ATG7: variants seen among roughly 807,000 people sequenced by gnomAD.
The protein encoded by ATG7 is ubiquitin-like modifier-activating enzyme ATG7.
Under a neutral mutation model 82.4 loss-of-function variants are expected in ATG7, and 70 were observed. The observed-to-expected ratio is 0.85, with a 90% CI of 0.70 to 1.04. The LOEUF (loss-of-function observed/expected upper bound fraction) is 1.04, where lower values mean the gene tolerates loss of function less well. ATG7 is among the 50% of genes least tolerant of loss of function. ATG7 has a pLI of 0.00. For missense variants in ATG7, 792 were observed against 864.3 expected, an observed-to-expected ratio of 0.92 and a Z score of 1.05; for synonymous variants, 287 against 313.0, an observed-to-expected ratio of 0.92 and a Z score of 0.88.
chr3:11,331,046 A>G (rs114851724), intron 9 of ATG7, among the ~76,000 whole-genome samples: 1,951 of 152,146 alleles, frequency 0.013, 26 homozygotes, highest in Non-Finnish European at 0.018. Context: ...TTCATTCCCC[A>G]TCTTCCTTCC....
the ATG7 span, among the ~76,000 whole-genome samples, chr3:11,571,934 C>T: frequency 6.6e-6 from 1 of 152,202 alleles, no homozygotes; most frequent in Non-Finnish European, 1.5e-5. Context: ...TGGCAAAACC[C>T]TGTCTCTACT....
intron 20 of ATG7, among the ~76,000 whole-genome samples, chr3:11,475,975 A>G (rs1044759786): frequency 3.3e-5 from 5 of 151,646 alleles, no homozygotes; most frequent in East Asian, 3.9e-4. Context: ...AAATGTTTAC[A>G]TTGGGGAAAA....
chr3:11,358,602 G>C lies in ATG7; in HGVS notation c.1469G>C (p.Ser490Thr), dbSNP rs1280895049. Residue 490 changes from serine (S) to threonine (T), a missense_variant, in exon 15 of 21, where the codon AGC becomes ACC. Ser to Thr is a moderately conservative substitution (Grantham distance 58). Coordinates refer to ENST00000693202, the MANE Select transcript of ATG7 (RefSeq NM_001349232.2). Reference sequence around the variant, plus strand: ...TGGCTTCCTGCCGTCATTGCTGCAAGCAAGAGAAAGGTAGGCCCTGTCTCT... The same window carrying C: ...TGGCTTCCTGCCGTCATTGCTGCAACCAAGAGAAAGGTAGGCCCTGTCTCT... ...SRWLPAVIAA[S>T]KRKLVINAAL... The C allele has an allele frequency of 3.7e-6, 6 of 1,613,070 alleles. No individual in the cohort carries two copies. The South Asian group carries it at 5.5e-5, about 15-fold the overall frequency.
At chr3:11,417,797 ATTATTTTATTTTATTTTAT>A (rs2081496590) in intron 19 of ATG7, among the ~76,000 whole-genome samples, 1 of 43,134 alleles carries the variant, frequency 2.3e-5, no homozygotes. Flanking sequence ...TATTATTATT[ATTATTTTATTTTATTTTAT>A]TTTTTTTTTT....
chr3:11,285,981 T>A (rs1484035655), intron 3 of ATG7, among the ~76,000 whole-genome samples: 1 of 152,234 alleles, frequency 6.6e-6, no homozygotes, highest in Non-Finnish European at 1.5e-5. Context: ...TCCCTTTGAC[T>A]TTTAAGACCA....
At chr3:11,273,004 A>T (rs1417658369) in intron 1 of ATG7, among the ~76,000 whole-genome samples, 1 of 152,264 alleles carries the variant, frequency 6.6e-6, no homozygotes, top group East Asian at 1.9e-4. Context: ...TCAGAAATAG[A>T]GTCAAACTTC....
chr3:11,552,635 C>T (rs968659042), intron 20 of ATG7, among the ~76,000 whole-genome samples: 5 of 152,214 alleles, frequency 3.3e-5, no homozygotes, highest in African/African-American at 9.7e-5. Context: ...CCCAGAGATT[C>T]GCTCTGGAAA....
chr3:11,547,223 T>C (rs1475542356), intron 20 of ATG7, among the ~76,000 whole-genome samples: 1 of 152,236 alleles, frequency 6.6e-6, no homozygotes, highest in Non-Finnish European at 1.5e-5. Context: ...CCTTGCTAGC[T>C]TGGTCTCCTT....
At chr3:11,506,013 T>G (rs77795420) in intron 20 of ATG7, among the ~76,000 whole-genome samples, 1 of 152,202 alleles carries the variant, frequency 6.6e-6, no homozygotes, top group African/African-American at 2.4e-5. Flanking sequence ...CGTAAAGTCA[T>G]GTATTCATAT....
At chr3:11,472,700 G>A (rs554099874) in intron 20 of ATG7, among the ~76,000 whole-genome samples, 14 of 152,156 alleles carry the variant, frequency 9.2e-5, no homozygotes, top group African/African-American at 2.9e-4. Flanking sequence ...GGCTTGTGTC[G>A]TCCTTTTTTG....
chr3:11,434,448 G>A (rs539767356), intron 20 of ATG7, among the ~76,000 whole-genome samples: 2 of 152,236 alleles, frequency 1.3e-5, no homozygotes, highest in African/African-American at 2.4e-5. Flanking sequence ...CTGGGACTGT[G>A]CCCTGCCTTG....
At chr3:11,275,343 CTT>C (rs542108366) in intron 1 of ATG7, among the ~76,000 whole-genome samples, 2 of 142,560 alleles carry the variant, frequency 1.4e-5, no homozygotes, top group Non-Finnish European at 3.1e-5. Flanking sequence ...TTCCTCTCCT[CTT>C]TTTTTTTTTT....
the ATG7 span, among the ~76,000 whole-genome samples, chr3:11,563,966 G>C: frequency 6.6e-6 from 1 of 152,140 alleles, no homozygotes; most frequent in African/African-American, 2.4e-5. Flanking sequence ...CCCCGGTGAG[G>C]CCACAGGGAC....
chr3:11,378,645 A>C (rs13072726), intron 18 of ATG7, among the ~76,000 whole-genome samples: 1 of 141,484 alleles, frequency 7.1e-6, no homozygotes, highest in Non-Finnish European at 1.5e-5. Context: ...AGATCACACC[A>C]CTGTACTCCA....
intron 1 of ATG7, among the ~76,000 whole-genome samples, chr3:11,273,324 CAGAA>C (rs1429100796): frequency 1.3e-5 from 2 of 152,198 alleles, no homozygotes; most frequent in African/African-American, 4.8e-5. Flanking sequence ...TCTTCAGTGA[CAGAA>C]AGCTTTCTAC....
intron 11 of ATG7, 54 bp downstream of exon 11, chr3:11,333,147 C>G: frequency 6.7e-7 from 1 of 1,483,620 alleles, no homozygotes; most frequent in Non-Finnish European, 9.0e-7. Flanking sequence ...AGAAACGGAA[C>G]CAGGTTTACT....
chr3:11,298,813 C>G lies in ATG7; in HGVS notation c.118C>G (p.Leu40Val). ...LTQKKLNEYRLDEAPKDIKGY... is the reference protein window; with the variant it reads ...LTQKKLNEYRVDEAPKDIKGY... ...CCAGAAGAAGCTGAACGAGTATCGGCTGGATGAAGCTCCCAAGGACATTAA... is the reference window on the plus strand; with the variant it reads ...CCAGAAGAAGCTGAACGAGTATCGGGTGGATGAAGCTCCCAAGGACATTAA... Residue 40 changes from leucine to valine, a missense_variant, in exon 4 of 21, where the codon CTG (leucine) becomes GTG (valine). Physicochemically the swap from Leu to Val is conservative, Grantham distance 32. Transcript: ENST00000693202. 6.2e-7 allele frequency: 1 copy of G among 1,614,150 alleles called. No individual in the cohort carries two copies. The highest frequency in any genetic ancestry group is 8.5e-7 in the Non-Finnish European group (1 of 1,180,036).
chr3:11,385,682 T>C (rs1161284904), intron 19 of ATG7, among the ~76,000 whole-genome samples: 1 of 152,190 alleles, frequency 6.6e-6, no homozygotes. Flanking sequence ...AGGGAAGGCC[T>C]TGCAGAGGAT....
At chr3:11,368,229 T>TAAAAAAA (rs760208581) in intron 18 of ATG7, among the ~76,000 whole-genome samples, 1 of 109,348 alleles carries the variant, frequency 9.1e-6, no homozygotes, top group Non-Finnish European at 1.9e-5. Flanking sequence ...TTCTTTTACT[T>TAAAAAAA]AAAAAAAAAA....
Sources: gnomAD v4.1 joint callset for allele counts (sites outside exome capture counted in the v4.1 genomes callset) on GRCh38, gnomAD v4.1.1 for gene constraint, MANE v1.5 for transcripts, NCBI Gene and HGNC (gene_info 2026-07-23, HGNC 2026-07-21) for gene names.